Variants in EPHB1 observed in about 807,000 individuals in gnomAD.
The protein encoded by EPHB1 is ephrin type-B receptor 1.
In EPHB1, 30 loss-of-function variants were observed where a neutral mutation model predicts 94.4. The observed-to-expected ratio is 0.32, with a 90% CI of 0.24 to 0.43. EPHB1 has a LOEUF of 0.43. Ranked by LOEUF, EPHB1 falls within the 20% of genes least tolerant of loss-of-function variation. The pLI is 1.00. For synonymous variants in EPHB1, 522 were observed against 489.1 expected, an observed-to-expected ratio of 1.07 and a Z score of -0.89; for missense variants, 1,055 against 1,308.3, an observed-to-expected ratio of 0.81 and a Z score of 2.99.
At chr3:135,077,914 C>T (rs1938003517) in intron 3 of EPHB1, among the ~76,000 whole-genome samples, 1 of 152,238 alleles carries the variant, frequency 6.6e-6, no homozygotes, top group South Asian at 2.1e-4. Flanking sequence ...CATGTATAAA[C>T]AGCCCTAATT....
At chr3:135,179,254 T>A (rs540874284) in intron 9 of EPHB1, among the ~76,000 whole-genome samples, 96 of 152,350 alleles carry the variant, frequency 6.3e-4, no homozygotes, top group African/African-American at 2.2e-3. Context: ...TTTTTCTATG[T>A]AGACTTTGCT....
chr3:134,864,663 G>A (rs560400457), intron 1 of EPHB1, among the ~76,000 whole-genome samples: 2 of 152,290 alleles, frequency 1.3e-5, no homozygotes, highest in African/African-American at 2.4e-5. Flanking sequence ...TTCTGAAACC[G>A]TTTTCTACTT....
intron 1 of EPHB1, among the ~76,000 whole-genome samples, chr3:134,826,767 C>T (rs57232816): frequency 0.12 from 17,525 of 152,076 alleles, 1,144 homozygotes; most frequent in South Asian, 0.31. Context: ...GTCCCGTTCC[C>T]GAGGGAAGAG....
In EPHB1 at chr3:134,941,789, ACACACACAC is replaced by A. The variant is rs1400757303; in HGVS notation, c.124-9581_124-9573del. Among the ~76,000 whole-genome samples, 13 of 151,668 alleles carry A rather than the reference ACACACACAC, an allele frequency of 8.6e-5. 1 individual carries two copies. Among genetic ancestry groups the A allele is most frequent in the Admixed American group, 7.2e-4 (11 of 15,214 alleles). On this transcript the variant is annotated intron_variant, in intron 2 of 15. Transcript: ENST00000398015. ...CACACACACACACACACACACACAC[ACACACACAC>A]AATCAGCCAGACTGCAGAGAGTCAA...
chr3:135,088,475 A>G lies in EPHB1; in HGVS notation c.806-17973A>G, dbSNP rs545392984. Among the ~76,000 whole-genome samples, 6 of 152,330 alleles carry G rather than the reference A, an allele frequency of 3.9e-5. No individual in the cohort carries two copies. The South Asian group carries it at 1.2e-3, about 32-fold the overall frequency. ...AGATAATTGTGGGTTTTAAAAATACAGGGTTTTTTTTCTCATGTAAAATAA... is the reference window on the plus strand; with the variant it reads ...AGATAATTGTGGGTTTTAAAAATACGGGGTTTTTTTTCTCATGTAAAATAA... On this transcript the variant is annotated intron_variant, in intron 3 of 15. Transcript: ENST00000398015.
At chr3:135,055,360 C>T (rs528876135) in intron 3 of EPHB1, among the ~76,000 whole-genome samples, 110 of 152,330 alleles carry the variant, frequency 7.2e-4, no homozygotes, top group African/African-American at 2.5e-3. Context: ...CAGGCCCTCC[C>T]GTGGGCCAGC....
At chr3:135,082,799 TATTTAATACAA>T (rs1481690539) in intron 3 of EPHB1, among the ~76,000 whole-genome samples, 1 of 152,240 alleles carries the variant, frequency 6.6e-6, no homozygotes, top group Non-Finnish European at 1.5e-5. Flanking sequence ...AGCTTCCGCT[TATTTAATACAA>T]GTCCACGAGT....
intron 15 of EPHB1, among the ~76,000 whole-genome samples, chr3:135,252,155 A>C (rs1156910117): frequency 6.6e-6 from 1 of 151,410 alleles, no homozygotes; most frequent in Non-Finnish European, 1.5e-5. Flanking sequence ...TGTTACTGTT[A>C]AATTTTTTTT....
intron 1 of EPHB1, among the ~76,000 whole-genome samples, chr3:134,801,567 C>T (rs747720184): frequency 6.6e-6 from 1 of 152,216 alleles, no homozygotes; most frequent in Non-Finnish European, 1.5e-5. Context: ...TTGAATATTT[C>T]TGTCAGATTT....
chr3:135,254,713 G>T (rs1553754081), intron 15 of EPHB1, among the ~76,000 whole-genome samples: 1 of 152,068 alleles, frequency 6.6e-6, no homozygotes, highest in Non-Finnish European at 1.5e-5. Context: ...TTTGGTATCA[G>T]AATGATGCTG....
Position 135,237,515 on chromosome 3 carries a change from TCCCCCATGCTCCAACAGTGACCCCTGCG to T in EPHB1, c.2347-3632_2347-3605del, listed in dbSNP as rs1283264439. ...CCTCTTCCTCTTCTTCTCTTCTCCCTCCCCCATGCTCCAACAGTGACCCCTGCGGCAGCTCTAGGGAAACCCAGTCCCT... is the reference window on the plus strand; with the variant it reads ...CCTCTTCCTCTTCTTCTCTTCTCCCTGCAGCTCTAGGGAAACCCAGTCCCT... On this transcript the variant is annotated intron_variant, in intron 12 of 15. Coordinates refer to ENST00000398015, the MANE Select transcript of EPHB1 (RefSeq NM_004441.5). Among the ~76,000 whole-genome samples the T allele has an allele frequency of 1.8e-4, 28 of 151,850 alleles. No homozygotes were observed. In the East Asian group the frequency reaches 4.7e-3, roughly 25 times the overall value.
intron 7 of EPHB1, among the ~76,000 whole-genome samples, chr3:135,164,154 G>A (rs1385227634): frequency 6.6e-6 from 1 of 152,184 alleles, no homozygotes; most frequent in Admixed American, 6.5e-5. Context: ...GGTTCCCTGT[G>A]TATTTTTCTA....
At chr3:135,106,705 G>C in intron 4 of EPHB1, 102 bp downstream of exon 4, 2 of 1,450,964 alleles carry the variant, frequency 1.4e-6, no homozygotes, top group Admixed American at 2.0e-5. Flanking sequence ...TTTGATCCCA[G>C]GGCAAAGCAG....
At chr3:135,222,015 T>C (rs918470512) in intron 12 of EPHB1, among the ~76,000 whole-genome samples, 8 of 152,164 alleles carry the variant, frequency 5.3e-5, no homozygotes, top group Admixed American at 2.0e-4. Flanking sequence ...AGTGGTGGGA[T>C]CCTAATATAA....
At chr3:135,185,573 C>T (rs1942306345) in intron 10 of EPHB1, among the ~76,000 whole-genome samples, 1 of 152,196 alleles carries the variant, frequency 6.6e-6, no homozygotes, top group Non-Finnish European at 1.5e-5. Context: ...TTTCTTGTAA[C>T]TGGTAAGGAA....
intron 3 of EPHB1, among the ~76,000 whole-genome samples, chr3:135,025,168 T>TC (rs1016662781): frequency 7.4e-6 from 1 of 134,334 alleles, no homozygotes; most frequent in South Asian, 2.4e-4. Flanking sequence ...CTTCTTTCTT[T>TC]TTTTTTTTTT....
At chr3:135,020,591 A>G (rs1935956585) in intron 3 of EPHB1, among the ~76,000 whole-genome samples, 1 of 152,212 alleles carries the variant, frequency 6.6e-6, no homozygotes, top group Non-Finnish European at 1.5e-5. Flanking sequence ...AGCATGTCTC[A>G]ATACCTCAAT....
At chr3:135,225,035 G>C (rs953557554) in intron 12 of EPHB1, among the ~76,000 whole-genome samples, 3 of 152,140 alleles carry the variant, frequency 2.0e-5, no homozygotes, top group African/African-American at 7.2e-5. Context: ...TACTTGAGGG[G>C]AGGGGAGAGC....
At chr3:134,893,664 C>T (rs1261860557) in intron 1 of EPHB1, among the ~76,000 whole-genome samples, 1 of 152,226 alleles carries the variant, frequency 6.6e-6, no homozygotes. Flanking sequence ...CCTCTAGTCT[C>T]AGCCTTGAGG....
Sources: allele counts gnomAD v4.1 joint callset (sites outside exome capture counted in the v4.1 genomes callset), GRCh38; gene constraint gnomAD v4.1.1; transcripts MANE v1.5; gene names NCBI Gene and HGNC (gene_info 2026-07-23, HGNC 2026-07-21).